Variants in AMPD2 observed in about 807,000 individuals in gnomAD.
The protein encoded by AMPD2 is adenosine monophosphate deaminase 2, also known as AMP deaminase 2.
Under a neutral mutation model 91.3 loss-of-function variants are expected in AMPD2, and 52 were observed. That is an observed-to-expected ratio of 0.57 (90% CI 0.46 to 0.72). The LOEUF is 0.72. Ranked by LOEUF, AMPD2 falls within the 30% of genes least tolerant of loss-of-function variation. AMPD2 has a pLI of 0.00. For missense variants in AMPD2, 822 were observed against 1,122.3 expected (o/e 0.73, Z 3.82); for synonymous variants, 455 against 456.4 (o/e 1.00, Z 0.04).
chr1:109,627,899 G>T lies in AMPD2; in HGVS notation c.1076G>T (p.Arg359Leu). Residue 359 changes from arginine to leucine, a missense_variant, in exon 10 of 19, where the codon CGC becomes CTC. Arg to Leu is a moderately radical substitution (Grantham distance 102). Transcript: ENST00000528667. ...CCACACCGAGATTTCTACAACATCC[G>T]CAAGGTGGGCCCTCACCCCGTGGCC... Reference protein sequence around the residue: ...KVPHRDFYNIRKVDTHIHASS... With the variant: ...KVPHRDFYNILKVDTHIHASS... 1 of 1,613,840 alleles carries T rather than the reference G, an allele frequency of 6.2e-7. No homozygotes were observed. Among genetic ancestry groups the T allele is most frequent in the Non-Finnish European group, 8.5e-7 (1 of 1,179,940 alleles).
rs751995849 is a variant in AMPD2 at position 109,631,096 on chromosome 1, A to T, written c.2422A>T (p.Met808Leu). 6.2e-7 allele frequency: 1 copy of T among 1,610,724 alleles called. No individual in the cohort carries two copies. Among genetic ancestry groups the T allele is most frequent in the Non-Finnish European group, 8.5e-7 (1 of 1,178,578 alleles). The stretch of plus-strand genomic sequence containing the variant: ...CATCACGCAGGCAGTCCAGAGTGAG[A>T]TGCTGGAGACCATTCCAGAGGAGGC... ...ALITQAVQSEMLETIPEEAGI... is the reference protein window; with the variant it reads ...ALITQAVQSELLETIPEEAGI... The change falls in exon 19 of 19, where the codon ATG becomes TTG. Residue 808 changes from methionine to leucine, a missense_variant. Transcript: ENST00000528667.
In AMPD2 at chr1:109,627,846, G is replaced by A. The variant is rs1202223872; in HGVS notation, c.1023G>A (p.Met341Ile). Residue 341 changes from methionine to isoleucine, a missense_variant, in exon 10 of 19, where the codon ATG becomes ATA. Met to Ile is a conservative substitution (Grantham distance 10). This residue lies in a region of AMPD2 where 37 missense variants were observed against 84.8 expected (regional missense o/e 0.44). Transcript: ENST00000528667. ...KFQMHVLLNEMKELAAQKKVP... is the reference protein window; with the variant it reads ...KFQMHVLLNEIKELAAQKKVP... ...AGATGCATGTGCTACTCAATGAGATGAAGGAGCTGGCCGCCCAGAAGAAAG... is the reference window on the plus strand; with the variant it reads ...AGATGCATGTGCTACTCAATGAGATAAAGGAGCTGGCCGCCCAGAAGAAAG... 4 of 1,614,096 alleles carry A rather than the reference G, an allele frequency of 2.5e-6. No homozygotes were observed.
intron 1 of AMPD2, 127 bp from the exon 2 acceptor site, chr1:109,620,787 G>A: frequency 7.6e-7 from 1 of 1,321,094 alleles, no homozygotes; most frequent in South Asian, 2.3e-5. Context: ...AGCTAGCCTG[G>A]ACTTTGGCTT....
chr1:109,626,293 C>G, intron 5 of AMPD2, 26 bp from the exon 6 acceptor site: 4 of 1,613,032 alleles, frequency 2.5e-6, no homozygotes, highest in Non-Finnish European at 3.4e-6. Context: ...GGCTCTAAAC[C>G]CCTCCCTTGA....
In AMPD2 at chr1:109,630,253, G is replaced by A. The variant is rs745721010; in HGVS notation, c.2004G>A (p.Leu668=). 1.2e-6 allele frequency: 2 copies of A among 1,613,206 alleles called. No homozygotes were observed. The highest frequency in any genetic ancestry group is 1.7e-5 in the Admixed American group (1 of 59,996). The change falls in exon 17 of 19, where the codon CTG becomes CTA. Residue 668 remains leucine (L), a synonymous_variant. Coordinates refer to ENST00000528667, the MANE Select transcript of AMPD2 (RefSeq NM_001368809.2). ...LLRKAPVLQY[L]YYLAQIGIAM... ...CCCAGGCCCCCGTCCTGCAGTACCT[G>A]TACTACCTGGCCCAGATCGGCATCG... is the stretch of plus-strand genomic sequence containing the variant.
chr1:109,626,862 C>A lies in AMPD2; in HGVS notation c.668C>A (p.Pro223His), dbSNP rs1423260274. ...RRYLQQLAEK[P>H]LETRTYEQGP... Reference sequence around the variant, plus strand: ...TACCTGCAGCAGCTGGCTGAAAAGCCTCTGGAGACCCGGACCTATGAACAG... The same window carrying A: ...TACCTGCAGCAGCTGGCTGAAAAGCATCTGGAGACCCGGACCTATGAACAG... Residue 223 changes from proline to histidine, a missense_variant, in exon 7 of 19, where the codon CCT becomes CAT. Pro to His is a moderately conservative substitution (Grantham distance 77). Around this residue, in one of 5 missense-constraint regions of AMPD2, gnomAD observed 240 missense variants for 270.3 expected, o/e 0.89. Coordinates refer to ENST00000528667, the MANE Select transcript of AMPD2 (RefSeq NM_001368809.2). 6.2e-7 allele frequency: 1 copy of A among 1,613,944 alleles called. No individual in the cohort carries two copies. Among genetic ancestry groups the A allele is most frequent in the Admixed American group, 1.7e-5 (1 of 60,000 alleles).
At chr1:109,622,513 T>C (rs1650347294) in intron 2 of AMPD2, among the ~76,000 whole-genome samples, 1 of 152,044 alleles carries the variant, frequency 6.6e-6, no homozygotes, top group Non-Finnish European at 1.5e-5. Flanking sequence ...CACTCTGGCT[T>C]TTGCTTGACT....
chr1:109,620,411 C>CT (rs1650144115), intron 1 of AMPD2, 133 bp downstream of exon 1: 2 of 1,425,126 alleles, frequency 1.4e-6, no homozygotes, highest in Non-Finnish European at 1.9e-6. Flanking sequence ...CCAGGAGGGC[C>CT]TGGGGAGCAG....
rs145774793 is a variant in AMPD2 at position 109,625,466 on chromosome 1, G to C, written c.222+33G>C. The C allele has an allele frequency of 6.2e-7, 1 of 1,613,362 alleles. No homozygotes were observed. Reference sequence around the variant, plus strand: ...CTGGCACCACCCGCACCCTCACCCCGTGTCTCCATGCCCTGCCTCTGCTCC... The same window carrying C: ...CTGGCACCACCCGCACCCTCACCCCCTGTCTCCATGCCCTGCCTCTGCTCC... On this transcript the variant is annotated intron_variant, in intron 3 of 18. Transcript: ENST00000528667. This position sits in a 1 kb window ranked among gnomAD's most constrained non-coding sequence, Gnocchi z 4.0.
At position 109,630,721 on chromosome 1, in the gene AMPD2, G is replaced by A; in HGVS notation, c.2196G>A (p.Val732=). 6.2e-7 allele frequency: 1 copy of A among 1,612,500 alleles called. No individual in the cohort carries two copies. Among genetic ancestry groups the A allele is most frequent in the South Asian group, 1.1e-5 (1 of 90,734 alleles). ...AGGAGTACAGCATCGCCACCCAGGTGTGGAAGCTCAGCTCCTGCGATATGT... is the reference window on the plus strand; with the variant it reads ...AGGAGTACAGCATCGCCACCCAGGTATGGAAGCTCAGCTCCTGCGATATGT... ...LMEEYSIATQ[V]WKLSSCDMCE... Residue 732 remains valine, a synonymous_variant, in exon 18 of 19, where the codon GTG becomes GTA. Coordinates refer to ENST00000528667, the MANE Select transcript of AMPD2 (RefSeq NM_001368809.2).
In AMPD2 at chr1:109,625,657, C is replaced by G. The variant is rs764953041; in HGVS notation, c.223-5C>G. The G allele has an allele frequency of 6.2e-6, 10 of 1,613,668 alleles. No individual in the cohort carries two copies. Among genetic ancestry groups the G allele is most frequent in the South Asian group, 1.1e-5 (1 of 91,056 alleles). ...GCCATGCTGACCTTCCTTCCCTCCC[C>G]CCAGGAGCTGTTCACCCGCTCACTG... On this transcript the variant is annotated splice_region_variant and splice_polypyrimidine_tract_variant and intron_variant, in intron 3 of 18. Transcript: ENST00000528667. This position sits in a 1 kb window ranked among gnomAD's most constrained non-coding sequence, Gnocchi z 4.0.
In AMPD2 at chr1:109,625,101, A is replaced by G. The variant is rs565651523; in HGVS notation, c.92-202A>G. Among the ~76,000 whole-genome samples the G allele has an allele frequency of 4.6e-5, 7 of 152,160 alleles. No individual in the cohort carries two copies. Among genetic ancestry groups the G allele is most frequent in the Admixed American group, 4.6e-4 (7 of 15,302 alleles). On this transcript the variant is annotated intron_variant, in intron 2 of 18. Transcript: ENST00000528667. The surrounding 1 kb of genome is among the most constrained non-coding windows in gnomAD (Gnocchi z 4.0). ...TCAGAATCCCCACCCCAAGCCTGGA[A>G]TGGGTGAGGGGTCCCTGCGTTAGAG...
chr1:109,626,120 C>T (rs1402591268), intron 4 of AMPD2, 40 bp from the exon 5 acceptor site: 1 of 1,610,910 alleles, frequency 6.2e-7, no homozygotes, highest in Non-Finnish European at 8.5e-7. Flanking sequence ...AAGGGCCGTC[C>T]CTCGGGATCT....
chr1:109,627,416 C>G lies in AMPD2; in HGVS notation c.861-13C>G, dbSNP rs753907099. On this transcript the variant is annotated splice_polypyrimidine_tract_variant and intron_variant, in intron 8 of 18. Coordinates refer to ENST00000528667, the MANE Select transcript of AMPD2 (RefSeq NM_001368809.2). ...CGGCTTGCTCTCCTCACCCAAGCTC[C>G]CCTCCATGCCAGTTGCTCAGAGGTG... 1.9e-6 allele frequency: 3 copies of G among 1,614,078 alleles called. No homozygotes were observed. Among genetic ancestry groups the G allele is most frequent in the African/African-American group, 1.3e-5 (1 of 75,022 alleles).
At position 109,624,072 on chromosome 1, in the gene AMPD2, G is replaced by A; in HGVS notation, c.92-1231G>A. The A allele has an allele frequency of 2.0e-6, 2 of 985,706 alleles. No homozygotes were observed. Among genetic ancestry groups the A allele is most frequent in the Non-Finnish European group, 2.4e-6 (2 of 830,124 alleles). 61.1% of individuals were successfully genotyped at this position (985,706 alleles called of 1,614,324 possible). A position where few individuals can be genotyped will look rare whatever the true frequency, so the allele number is the denominator to read the frequency against. On this transcript the variant is annotated intron_variant, in intron 2 of 18. Transcript: ENST00000528667. This position sits in a 1 kb window ranked among gnomAD's most constrained non-coding sequence, Gnocchi z 5.2. The stretch of plus-strand genomic sequence containing the variant: ...AAGGGGCACAGGGCTGCTGGCCGGA[G>A]CTGCCTGCACTCTGCAGGTAGGGTT...
intron 1 of AMPD2, 87 bp downstream of exon 1, chr1:109,620,365 A>G: frequency 6.3e-7 from 1 of 1,578,224 alleles, no homozygotes; most frequent in Non-Finnish European, 8.7e-7. Flanking sequence ...GAGTCACAGC[A>G]CAGCAGCAGG....
rs967534585 is a variant in AMPD2, at chr1:109,631,419, C to A, written c.*267C>A. 1 of 544,324 alleles carries A rather than the reference C, an allele frequency of 1.8e-6. No individual in the cohort carries two copies. Among genetic ancestry groups the A allele is most frequent in the Non-Finnish European group, 3.3e-6 (1 of 302,842 alleles). 33.7% of individuals were successfully genotyped at this position (544,324 alleles called of 1,614,324 possible). A position where few individuals can be genotyped will look rare whatever the true frequency, so the allele number is the denominator to read the frequency against. On this transcript the variant is annotated 3_prime_UTR_variant, in exon 19 of 19. Coordinates refer to ENST00000528667, the MANE Select transcript of AMPD2 (RefSeq NM_001368809.2). ...GGCCCTGTCCTGGGATCCTCAGAAG[C>A]CTGACTGTCCTATGGGCTTCTCCAG...
At position 109,620,927 on chromosome 1, in the gene AMPD2, C is replaced by G; in HGVS notation, c.-249C>G. 1 of 1,495,880 alleles carries G rather than the reference C, an allele frequency of 6.7e-7. No individual in the cohort carries two copies. Among genetic ancestry groups the G allele is most frequent in the Non-Finnish European group, 8.9e-7 (1 of 1,122,670 alleles). The allele number at this position is 1,495,880 out of a possible 1,614,324, so 92.7% of individuals were successfully genotyped here. A position where few individuals can be genotyped will look rare whatever the true frequency, so the allele number is the denominator to read the frequency against. ...GCCCCCCGCCAGGCCCAGCCACCAT[C>G]AGTCACGTCACTCCTGGGACTGAGG... On this transcript the variant is annotated 5_prime_UTR_variant, in exon 2 of 19. In the 5' UTR this introduces an upstream ATG that the reference lacks. Transcript: ENST00000528667.
chr1:109,627,082 T>G, intron 7 of AMPD2, 93 bp from the exon 8 acceptor site: 1 of 1,587,034 alleles, frequency 6.3e-7, no homozygotes, highest in Admixed American at 1.7e-5. Flanking sequence ...CTACTGGGTC[T>G]TCAACATCTC....
Sources: allele counts gnomAD v4.1 joint callset (sites outside exome capture counted in the v4.1 genomes callset), GRCh38; gene constraint gnomAD v4.1.1; regional missense constraint gnomAD v4.1.1; non-coding constraint Gnocchi (gnomAD v3.1); transcripts MANE v1.5; gene names NCBI Gene and HGNC (gene_info 2026-07-23, HGNC 2026-07-21).